The following ATG7 variants were observed in gnomAD, a reference collection of about 807,000 sequenced individuals.
The protein encoded by ATG7 is autophagy related 7.
A neutral mutation model predicts 82.4 loss-of-function variants in ATG7; 70 were observed. The ratio of observed to expected loss-of-function variants is 0.85; its 90% CI spans 0.70 to 1.04. The LOEUF (loss-of-function observed/expected upper bound fraction) is 1.04. Among genes scored for constraint, ATG7 ranks in the 50% least tolerant of loss-of-function variants. The pLI is 0.00. For missense variants in ATG7, 792 were observed against 864.3 expected, an observed-to-expected ratio of 0.92 and a Z score of 1.05; for synonymous variants, 287 against 313.0, an observed-to-expected ratio of 0.92 and a Z score of 0.88.
intron 20 of ATG7, among the ~76,000 whole-genome samples, chr3:11,547,768 A>G (rs1170045487): frequency 6.6e-6 from 1 of 152,200 alleles, no homozygotes; most frequent in Non-Finnish European, 1.5e-5. Flanking sequence ...CTGATGACTA[A>G]TTATGTTTGA....
intron 20 of ATG7, among the ~76,000 whole-genome samples, chr3:11,507,360 A>G (rs1192752319): frequency 6.6e-6 from 1 of 152,256 alleles, no homozygotes; most frequent in Non-Finnish European, 1.5e-5. Context: ...ATGTTGAAAT[A>G]CAATTATCAA....
chr3:11,376,786 TGGAG>T (rs2077447029), intron 18 of ATG7, among the ~76,000 whole-genome samples: 1 of 152,230 alleles, frequency 6.6e-6, no homozygotes. Flanking sequence ...TCACCCAGGC[TGGAG>T]TGCAGTGGCA....
intron 20 of ATG7, among the ~76,000 whole-genome samples, chr3:11,494,055 G>C (rs977227566): frequency 4.6e-5 from 7 of 152,146 alleles, no homozygotes; most frequent in African/African-American, 1.7e-4. Flanking sequence ...AAAATGCCAG[G>C]GATTCAGTCT....
In ATG7 at chr3:11,406,000, G is replaced by GTTT. The variant is rs10644770; in HGVS notation, c.1957-20800_1957-20798dup. On this transcript the variant is annotated intron_variant, in intron 19 of 20. Coordinates refer to ENST00000693202, the MANE Select transcript of ATG7 (RefSeq NM_001349232.2). ...CTTGCTTTTTTTTGTTTTTGTTTTT[G>GTTT]TTTTTTGTAGATGGAATCTCACTCT... is the stretch of plus-strand genomic sequence containing the variant. Among the ~76,000 whole-genome samples, 38 of 150,602 alleles carry GTTT rather than the reference G, an allele frequency of 2.5e-4. No homozygotes were observed. The South Asian group carries it at 5.9e-3, about 23-fold the overall frequency.
At chr3:11,526,667 G>A (rs774977482) in intron 20 of ATG7, among the ~76,000 whole-genome samples, 12 of 152,184 alleles carry the variant, frequency 7.9e-5, no homozygotes, top group Non-Finnish European at 1.8e-4. Flanking sequence ...CACGTAGACA[G>A]TGGTATCTTT....
the ATG7 span, among the ~76,000 whole-genome samples, chr3:11,572,235 A>G: frequency 1.7e-4 from 26 of 152,218 alleles, no homozygotes; most frequent in Non-Finnish European, 3.5e-4. Flanking sequence ...TCACTGCCCC[A>G]CTGCAAAATA....
chr3:11,335,841 T>G (rs1952370685), intron 11 of ATG7, among the ~76,000 whole-genome samples: 1 of 151,746 alleles, frequency 6.6e-6, no homozygotes, highest in Non-Finnish European at 1.5e-5. Flanking sequence ...GGGATTACAG[T>G]CGCGTGCCAC....
chr3:11,556,942 A>C lies in ATG7; in HGVS notation c.*2099A>C. 1 of 152,760 alleles carries C rather than the reference A, an allele frequency of 6.5e-6. No individual in the cohort carries two copies. Among genetic ancestry groups the C allele is most frequent in the Non-Finnish European group, 1.5e-5 (1 of 68,066 alleles). The allele number at this position is 152,760 out of a possible 1,614,324, so 9.5% of individuals were successfully genotyped here. ...CAGCCACTCTGTGACTACAAGAGCC[A>C]GTCCTCCGACCTTTTCACCCAGTGC... On this transcript the variant is annotated 3_prime_UTR_variant, in exon 21 of 21. Transcript: ENST00000693202.
intron 20 of ATG7, among the ~76,000 whole-genome samples, chr3:11,442,490 A>G (rs958334701): frequency 6.6e-6 from 1 of 152,110 alleles, no homozygotes; most frequent in Non-Finnish European, 1.5e-5. Context: ...TTGAACGTAA[A>G]TATCTTGAAC....
At chr3:11,341,057 C>G (rs1030807659) in intron 12 of ATG7, among the ~76,000 whole-genome samples, 2 of 151,684 alleles carry the variant, frequency 1.3e-5, no homozygotes, top group African/African-American at 4.8e-5. Context: ...TTGGCCCACT[C>G]CCCCGCCCCG....
intron 19 of ATG7, among the ~76,000 whole-genome samples, chr3:11,399,870 C>A (rs550175905): frequency 3.3e-5 from 5 of 152,138 alleles, no homozygotes; most frequent in Non-Finnish European, 7.4e-5. Context: ...CAGTGCCTGG[C>A]GTGGAAGCGA....
chr3:11,463,015 A>T (rs1266647134), intron 20 of ATG7, among the ~76,000 whole-genome samples: 2 of 151,812 alleles, frequency 1.3e-5, no homozygotes, highest in Non-Finnish European at 2.9e-5. Flanking sequence ...CCTCCCAAGG[A>T]GCTGGGATGA....
intron 20 of ATG7, among the ~76,000 whole-genome samples, chr3:11,456,628 TA>T (rs1478936146): frequency 6.6e-6 from 1 of 152,162 alleles, no homozygotes; most frequent in South Asian, 2.1e-4. Context: ...CTAGGAAATA[TA>T]AACCCTTGAG....
chr3:11,333,176 A>G, intron 11 of ATG7, 83 bp downstream of exon 11: 1 of 1,421,648 alleles, frequency 7.0e-7, no homozygotes, highest in Non-Finnish European at 9.3e-7. Flanking sequence ...ATATCGTCAC[A>G]ATGGCAGAAG....
intron 20 of ATG7, among the ~76,000 whole-genome samples, chr3:11,543,805 G>A (rs1204726037): frequency 6.6e-6 from 1 of 152,250 alleles, no homozygotes; most frequent in Non-Finnish European, 1.5e-5. Flanking sequence ...AGGAGGCTGA[G>A]GCACGAGAAT....
chr3:11,465,362 G>A (rs778495618), intron 20 of ATG7, among the ~76,000 whole-genome samples: 9 of 151,174 alleles, frequency 6.0e-5, no homozygotes, highest in South Asian at 2.1e-4. Flanking sequence ...GGAGAATGGC[G>A]TGAATCCAGG....
intron 19 of ATG7, among the ~76,000 whole-genome samples, chr3:11,383,825 A>G (rs1212598617): frequency 6.6e-6 from 1 of 152,230 alleles, no homozygotes; most frequent in African/African-American, 2.4e-5. Context: ...AGCCCATACT[A>G]CTACAGAAAA....
chr3:11,429,278 C>T (rs1489446754), intron 20 of ATG7, among the ~76,000 whole-genome samples: 1 of 152,004 alleles, frequency 6.6e-6, no homozygotes, highest in African/African-American at 2.4e-5. Context: ...GGCAGATCAC[C>T]TGAGGTCAGG....
chr3:11,364,433 A>G (rs1338530159), intron 17 of ATG7, among the ~76,000 whole-genome samples: 1 of 152,194 alleles, frequency 6.6e-6, no homozygotes, highest in Non-Finnish European at 1.5e-5. Flanking sequence ...AAGTTAAGCA[A>G]CTTGCCTATG....
Sources: allele counts gnomAD v4.1 joint callset (sites outside exome capture counted in the v4.1 genomes callset), GRCh38; gene constraint gnomAD v4.1.1; transcripts MANE v1.5; gene names NCBI Gene and HGNC (gene_info 2026-07-23, HGNC 2026-07-21).